The following DOP1B variants were observed in gnomAD, a reference collection of about 807,000 sequenced individuals.
DOP1B encodes the protein DOP1 leucine zipper like protein B, also known as protein DOP1B.
DOP1B carries 174 observed loss-of-function variants against 233.5 expected under a neutral mutation model. The observed-to-expected ratio is 0.75, with a 90% CI of 0.66 to 0.85. The LOEUF (loss-of-function observed/expected upper bound fraction) is 0.85, where lower values mean the gene tolerates loss of function less well. DOP1B is among the 40% of genes least tolerant of loss of function. The probability of loss-of-function intolerance (pLI) is 0.00; values close to 1 mark genes in which losing one functional copy is unlikely to be tolerated. For missense variants in DOP1B, 2,652 were observed against 2,846.6 expected (o/e 0.93, Z 1.56); for synonymous variants, 1,190 against 1,185.6 (o/e 1.00, Z -0.08).
chr21:36,223,161 T>G (rs2066645382), intron 10 of DOP1B, 70 bp from the exon 11 acceptor site: 5 of 1,496,804 alleles, frequency 3.3e-6, no homozygotes, highest in East Asian at 2.4e-5. Flanking sequence ...TCAATTACAG[T>G]TTTTTGGACA....
At chr21:36,213,829 C>T (rs111866648) in intron 7 of DOP1B, among the ~76,000 whole-genome samples, 102 of 151,974 alleles carry the variant, frequency 6.7e-4, no homozygotes, top group African/African-American at 2.3e-3. Context: ...CGTGAGCCAC[C>T]GCGCCCAGCC....
At chr21:36,281,319 A>G (rs1250541071) in intron 31 of DOP1B, among the ~76,000 whole-genome samples, 164 bp from the exon 32 acceptor site, 2 of 152,152 alleles carry the variant, frequency 1.3e-5, no homozygotes, top group Non-Finnish European at 2.9e-5. Flanking sequence ...AAAGAGAAAT[A>G]ACTATTTTTT....
chr21:36,288,413 C>T (rs2067513727), intron 33 of DOP1B, among the ~76,000 whole-genome samples: 1 of 152,204 alleles, frequency 6.6e-6, no homozygotes, highest in Middle Eastern at 3.4e-3. Flanking sequence ...TAAATTTGGG[C>T]TGGGCGTGGT....
At chr21:36,225,503 T>C in intron 11 of DOP1B, 62 bp from the exon 12 acceptor site, 2 of 1,582,038 alleles carry the variant, frequency 1.3e-6, no homozygotes, top group Non-Finnish European at 1.7e-6. Context: ...AGTGTTAAGA[T>C]TATAGGTGTG....
chr21:36,171,074 C>T lies in DOP1B; in HGVS notation c.138+6203C>T, dbSNP rs535119418. 3.3e-5 allele frequency among the ~76,000 whole-genome samples: 5 copies of T among 152,306 alleles called. No homozygotes were observed. The East Asian group carries it at 9.6e-4, about 29-fold the overall frequency. On this transcript the variant is annotated intron_variant, in intron 2 of 36. Transcript: ENST00000691173. ...TTATTGTATAATACTTAAAATGTAT[C>T]TTGAGATCCGTCTCAGGTTCAACCA...
At chr21:36,217,654 C>G (rs544300277) in intron 9 of DOP1B, among the ~76,000 whole-genome samples, 1 of 152,360 alleles carries the variant, frequency 6.6e-6, no homozygotes, top group African/African-American at 2.4e-5. Context: ...CTTCCAGGCT[C>G]TGCCCATGAT....
intron 4 of DOP1B, among the ~76,000 whole-genome samples, chr21:36,202,030 C>G (rs1318722732): frequency 1.3e-5 from 2 of 151,834 alleles, no homozygotes. Flanking sequence ...ACTAAAAATA[C>G]AAAAAAATTA....
intron 16 of DOP1B, 60 bp downstream of exon 16, chr21:36,237,474 C>CT: frequency 6.3e-7 from 1 of 1,592,898 alleles, no homozygotes; most frequent in Non-Finnish European, 8.6e-7. Flanking sequence ...TGTACGTGCC[C>CT]TTAGCCAACT....
chr21:36,163,979 C>T (rs2123387227), intron 1 of DOP1B, among the ~76,000 whole-genome samples: 1 of 152,366 alleles, frequency 6.6e-6, no homozygotes. Context: ...GCCAGGAAGT[C>T]TGCCTCCTTT....
intron 31 of DOP1B, among the ~76,000 whole-genome samples, chr21:36,280,558 T>C (rs992127427): frequency 1.3e-5 from 2 of 152,214 alleles, no homozygotes; most frequent in African/African-American, 4.8e-5. Context: ...GACAACCTTT[T>C]TCATAGTTTT....
intron 30 of DOP1B, among the ~76,000 whole-genome samples, chr21:36,279,915 G>A (rs1042954932): frequency 3.9e-5 from 6 of 152,026 alleles, no homozygotes; most frequent in African/African-American, 1.4e-4. Flanking sequence ...TGCTCTTGTT[G>A]CCCAGGCTAG....
intron 16 of DOP1B, 69 bp downstream of exon 16, chr21:36,237,483 C>G (rs767595004): frequency 1.3e-5 from 20 of 1,581,808 alleles, no homozygotes; most frequent in Non-Finnish European, 1.7e-5. Flanking sequence ...CCTTAGCCAA[C>G]TGACATCCAT....
chr21:36,243,331 A>G (rs893617418), intron 18 of DOP1B, among the ~76,000 whole-genome samples: 54 of 151,738 alleles, frequency 3.6e-4, no homozygotes, highest in African/African-American at 1.3e-3. Flanking sequence ...GGCAATATCA[A>G]AGACTTTTGA....
rs2067584499 is a variant in DOP1B, at chr21:36,293,677, T to C, written c.*106T>C. 1 of 1,308,644 alleles carries C rather than the reference T, an allele frequency of 7.6e-7. No homozygotes were observed. Among genetic ancestry groups the C allele is most frequent in the African/African-American group, 1.5e-5 (1 of 67,966 alleles). 81.1% of individuals were successfully genotyped at this position (1,308,644 alleles called of 1,614,324 possible). On this transcript the variant is annotated 3_prime_UTR_variant, in exon 37 of 37. Transcript: ENST00000691173. ...AGGATAGTGCTTTTGAACAAGCCTATTTCCATTTTGAAAGTAGATTTCAGG... is the reference window on the plus strand; with the variant it reads ...AGGATAGTGCTTTTGAACAAGCCTACTTCCATTTTGAAAGTAGATTTCAGG...
intron 2 of DOP1B, among the ~76,000 whole-genome samples, chr21:36,181,352 C>G (rs2066096295): frequency 6.6e-6 from 1 of 151,834 alleles, no homozygotes; most frequent in Non-Finnish European, 1.5e-5. Context: ...GATCTTGGCT[C>G]ACTGCAACCT....
rs74969980 is a variant in DOP1B, at chr21:36,184,990, A to G, written c.139-14080A>G. Among the ~76,000 whole-genome samples the G allele has an allele frequency of 1.9e-4, 29 of 152,238 alleles. No individual in the cohort carries two copies. The East Asian group carries it at 4.4e-3, about 23-fold the overall frequency. Reference sequence around the variant, plus strand: ...AAGAATATTGAGTTCTACCAGTAGAACTTTGGGGACTGAAACCTGTTGAGG... The same window carrying G: ...AAGAATATTGAGTTCTACCAGTAGAGCTTTGGGGACTGAAACCTGTTGAGG... On this transcript the variant is annotated intron_variant, in intron 2 of 36. Coordinates refer to ENST00000691173, the MANE Select transcript of DOP1B (RefSeq NM_001320714.2).
chr21:36,194,035 T>C (rs560726467), intron 2 of DOP1B, among the ~76,000 whole-genome samples: 91 of 152,342 alleles, frequency 6.0e-4, no homozygotes, highest in Non-Finnish European at 1.1e-3. Flanking sequence ...CCCAGAAAGG[T>C]AATTTGCCCG....
At chr21:36,209,038 C>G in intron 5 of DOP1B, 134 bp downstream of exon 5, 1 of 1,053,556 alleles carries the variant, frequency 9.5e-7, no homozygotes, top group Non-Finnish European at 1.3e-6. Context: ...GTCTGGGTAA[C>G]GAACGGCTGA....
At position 36,233,119 on chromosome 21, in the gene DOP1B, C is replaced by G. The variant is rs765575635; in HGVS notation, c.2622+44C>G. On this transcript the variant is annotated intron_variant, in intron 15 of 36. Coordinates refer to ENST00000691173, the MANE Select transcript of DOP1B (RefSeq NM_001320714.2). ...ACTCTTCTTATGGCCTCCTTCTCCC[C>G]CTGAGCAAAACTCAGAACCGTATTG... is the stretch of plus-strand genomic sequence containing the variant. 4 of 1,590,448 alleles carry G rather than the reference C, an allele frequency of 2.5e-6. No homozygotes were observed. In the East Asian group the frequency reaches 9.0e-5, roughly 36 times the overall value.
Sources: allele counts gnomAD v4.1 joint callset (sites outside exome capture counted in the v4.1 genomes callset), GRCh38; gene constraint gnomAD v4.1.1; transcripts MANE v1.5; gene names NCBI Gene and HGNC (gene_info 2026-07-23, HGNC 2026-07-21).